KIRREL3: variants seen among roughly 807,000 people sequenced by gnomAD.
KIRREL3 encodes kin of IRRE-like protein 3.
KIRREL3 carries 36 observed loss-of-function variants against 89.7 expected under a neutral mutation model. The observed-to-expected ratio is 0.40, with a 90% confidence interval of 0.31 to 0.53. The LOEUF (loss-of-function observed/expected upper bound fraction) is 0.53, where lower values mean the gene tolerates loss of function less well. KIRREL3 is among the 20% of genes least tolerant of loss of function. KIRREL3 has a pLI of 0.49. For missense variants in KIRREL3, 864 were observed against 1,056.6 expected (o/e 0.82, Z 2.53); for synonymous variants, 445 against 441.4 (o/e 1.01, Z -0.10).
intron 1 of KIRREL3, among the ~76,000 whole-genome samples, chr11:126,824,859 A>T (rs532325481): frequency 6.6e-6 from 1 of 152,312 alleles, no homozygotes; most frequent in East Asian, 1.9e-4. Context: ...CAAGCTATTG[A>T]TTTACACTGT....
At chr11:126,577,623 G>C (rs186981003) in intron 1 of KIRREL3, among the ~76,000 whole-genome samples, 2 of 151,252 alleles carry the variant, frequency 1.3e-5, no homozygotes, top group Non-Finnish European at 2.9e-5. Context: ...TTAGCGGGGC[G>C]TGGTGGCAGG....
chr11:126,765,175 G>T (rs977395423), intron 1 of KIRREL3, among the ~76,000 whole-genome samples: 1 of 152,124 alleles, frequency 6.6e-6, no homozygotes, highest in African/African-American at 2.4e-5. Context: ...CAAATACCCT[G>T]GCCCAACTAT....
rs543865709 is a variant in KIRREL3, at chr11:126,561,414, A to T, written c.133+1421T>A. On this transcript the variant is annotated intron_variant, in intron 2 of 16. Transcript: ENST00000525144. This position sits in a 1 kb window ranked among gnomAD's most constrained non-coding sequence, Gnocchi z 4.5. ...AGCTCCTGACTTTTTGGCTTCCCCAATCCCTACAAACCTCTTTCGAGCTTC... is the reference window on the plus strand; with the variant it reads ...AGCTCCTGACTTTTTGGCTTCCCCATTCCCTACAAACCTCTTTCGAGCTTC... Among the ~76,000 whole-genome samples, 1 of 152,152 alleles carries T rather than the reference A, an allele frequency of 6.6e-6. No homozygotes were observed. Among genetic ancestry groups the T allele is most frequent in the Non-Finnish European group, 1.5e-5 (1 of 68,028 alleles).
In KIRREL3 at chr11:126,912,929, G is replaced by T. The variant is rs1258460978; in HGVS notation, c.55+87526C>A. Among the ~76,000 whole-genome samples the T allele has an allele frequency of 1.3e-5, 2 of 152,200 alleles. No individual in the cohort carries two copies. Among genetic ancestry groups the T allele is most frequent in the Non-Finnish European group, 2.9e-5 (2 of 68,042 alleles). On this transcript the variant is annotated intron_variant, in intron 1 of 16. Coordinates refer to ENST00000525144, the MANE Select transcript of KIRREL3 (RefSeq NM_032531.4). This position sits in a 1 kb window ranked among gnomAD's most constrained non-coding sequence, Gnocchi z 4.7. ...GGCATGCAGAGTGGTGACACCTGGG[G>T]TGCACCCATCAGTCTAAGTAGTCAA...
At chr11:126,945,730 C>G (rs2135129312) in intron 1 of KIRREL3, among the ~76,000 whole-genome samples, 1 of 152,204 alleles carries the variant, frequency 6.6e-6, no homozygotes, top group Non-Finnish European at 1.5e-5. Context: ...GAACAGAATC[C>G]CAGGTAGGCC....
intron 4 of KIRREL3, 45 bp from the exon 5 acceptor site, chr11:126,473,511 G>T: frequency 6.7e-7 from 1 of 1,482,320 alleles, no homozygotes; most frequent in Non-Finnish European, 9.1e-7. Context: ...CTCCCACCTC[G>T]GGCAGGACGG....
chr11:126,651,413 G>C lies in KIRREL3; in HGVS notation c.56-88501C>G, dbSNP rs538420927. Among the ~76,000 whole-genome samples, 6 of 152,318 alleles carry C rather than the reference G, an allele frequency of 3.9e-5. No individual in the cohort carries two copies. The South Asian group carries it at 1.2e-3, about 32-fold the overall frequency. On this transcript the variant is annotated intron_variant, in intron 1 of 16. Transcript: ENST00000525144. The surrounding 1 kb of genome is among the most constrained non-coding windows in gnomAD (Gnocchi z 4.6). ...TTGAGAACCATGCATGCTCTTTCCA[G>C]ATATCAGTGGACAGCATCCAGGGGG...
intron 1 of KIRREL3, among the ~76,000 whole-genome samples, chr11:126,915,723 T>G (rs1405724522): frequency 1.3e-5 from 2 of 152,240 alleles, no homozygotes; most frequent in African/African-American, 2.4e-5. Context: ...TTGTAAGTTC[T>G]CTCCTGGTAG....
intron 1 of KIRREL3, among the ~76,000 whole-genome samples, chr11:126,712,582 A>G (rs1034365092): frequency 2.6e-5 from 4 of 152,184 alleles, no homozygotes; most frequent in Admixed American, 2.6e-4. Flanking sequence ...CGGGTGCGGG[A>G]AACTTTCCCT....
chr11:126,542,769 CAG>C (rs1232621809), intron 2 of KIRREL3, among the ~76,000 whole-genome samples: 1 of 152,220 alleles, frequency 6.6e-6, no homozygotes, highest in African/African-American at 2.4e-5. Context: ...GAAATGTTAA[CAG>C]AGGACTTCAT....
rs1003081695 is a variant in KIRREL3, at chr11:126,522,485, C to T, written c.284-1021G>A. 2.0e-5 allele frequency among the ~76,000 whole-genome samples: 3 copies of T among 152,176 alleles called. No homozygotes were observed. The highest frequency in any genetic ancestry group is 4.8e-5 in the African/African-American group (2 of 41,434). On this transcript the variant is annotated intron_variant, in intron 3 of 16. Coordinates refer to ENST00000525144, the MANE Select transcript of KIRREL3 (RefSeq NM_032531.4). This position sits in a 1 kb window ranked among gnomAD's most constrained non-coding sequence, Gnocchi z 6.0. ...CGCCAGAAGCCCCAGGTCCTGGTGA[C>T]GCACTTATGAAGTGCTCAGGACGCT...
intron 1 of KIRREL3, among the ~76,000 whole-genome samples, chr11:126,711,610 C>T (rs1241594666): frequency 6.6e-6 from 1 of 152,150 alleles, no homozygotes. Flanking sequence ...ACATGAGTAG[C>T]TCCCAAATAG....
chr11:126,513,968 A>G lies in KIRREL3; in HGVS notation c.433+7347T>C, dbSNP rs1958317584. ...GGCCCCCAGCTCTGCTCACTTTATC[A>G]CCTGCCCAGCAGGTGAGCTCCGAGT... On this transcript the variant is annotated intron_variant, in intron 4 of 16. Coordinates refer to ENST00000525144, the MANE Select transcript of KIRREL3 (RefSeq NM_032531.4). This position sits in a 1 kb window ranked among gnomAD's most constrained non-coding sequence, Gnocchi z 5.9. 6.6e-6 allele frequency among the ~76,000 whole-genome samples: 1 copy of G among 151,942 alleles called. No individual in the cohort carries two copies. The highest frequency in any genetic ancestry group is 2.4e-5 in the African/African-American group (1 of 41,338).
intron 1 of KIRREL3, among the ~76,000 whole-genome samples, chr11:126,966,415 C>A (rs921645341): frequency 6.6e-6 from 1 of 152,104 alleles, no homozygotes; most frequent in Non-Finnish European, 1.5e-5. Context: ...TTATCTTGGG[C>A]GTATTGATTG....
chr11:126,662,365 C>T (rs947889876), intron 1 of KIRREL3, among the ~76,000 whole-genome samples: 8 of 152,202 alleles, frequency 5.3e-5, no homozygotes, highest in Non-Finnish European at 2.9e-5. Context: ...AAGCCATGCA[C>T]TGGTAATGTT....
In KIRREL3 at chr11:126,867,244, C is replaced by A. The variant is rs1185078594; in HGVS notation, c.55+133211G>T. On this transcript the variant is annotated intron_variant, in intron 1 of 16. Transcript: ENST00000525144. The surrounding 1 kb of genome is among the most constrained non-coding windows in gnomAD (Gnocchi z 4.7). Reference sequence around the variant, plus strand: ...GCCACACTCCTATCACACAGCCTGCCATGGGGATAAAGGAAATTCTCCCGT... The same window carrying A: ...GCCACACTCCTATCACACAGCCTGCAATGGGGATAAAGGAAATTCTCCCGT... 6.6e-6 allele frequency among the ~76,000 whole-genome samples: 1 copy of A among 152,224 alleles called. No individual in the cohort carries two copies. Among genetic ancestry groups the A allele is most frequent in the Non-Finnish European group, 1.5e-5 (1 of 68,042 alleles).
At chr11:126,921,968 T>TATCC (rs1387545888) in intron 1 of KIRREL3, among the ~76,000 whole-genome samples, 1 of 55,112 alleles carries the variant, frequency 1.8e-5, no homozygotes, top group Non-Finnish European at 4.0e-5. Context: ...TATCTATATC[T>TATCC]ATCTATCTAT....
chr11:126,483,002 G>A (rs982025012), intron 4 of KIRREL3, among the ~76,000 whole-genome samples: 13 of 152,372 alleles, frequency 8.5e-5, no homozygotes, highest in African/African-American at 3.1e-4. Context: ...GAAAACAGCA[G>A]AAGCAAAAAG....
chr11:126,424,445 A>T lies in KIRREL3; in HGVS notation c.*135T>A. The T allele has an allele frequency of 1.5e-6, 1 of 647,710 alleles. No individual in the cohort carries two copies. Among genetic ancestry groups the T allele is most frequent in the Non-Finnish European group, 2.5e-6 (1 of 407,196 alleles). The allele number at this position is 647,710 out of a possible 1,614,324, so 40.1% of individuals were successfully genotyped here. ...CTTGATCAGAGCTTCGAAGGAAGGC[A>T]GTGGCAGAGGCGCTGGGAGGCTGTC... On this transcript the variant is annotated 3_prime_UTR_variant, in exon 17 of 17. Transcript: ENST00000525144.
Sources: gnomAD v4.1 joint callset for allele counts (sites outside exome capture counted in the v4.1 genomes callset) on GRCh38, gnomAD v4.1.1 for gene constraint, Gnocchi (gnomAD v3.1) non-coding constraint, MANE v1.5 for transcripts, NCBI Gene and HGNC (gene_info 2026-07-23, HGNC 2026-07-21) for gene names.